ACADSB: variants seen among roughly 807,000 people sequenced by gnomAD.
The protein encoded by ACADSB is short/branched chain specific acyl-CoA dehydrogenase, mitochondrial.
ACADSB carries 40 observed loss-of-function variants against 54.1 expected under a neutral mutation model. The observed-to-expected ratio is 0.74, with a 90% CI of 0.57 to 0.96. The LOEUF (loss-of-function observed/expected upper bound fraction) is 0.96, where lower values mean the gene tolerates loss of function less well. Among genes scored for constraint, ACADSB ranks in the 40% least tolerant of loss-of-function variants. ACADSB has a pLI of 0.00. For synonymous variants in ACADSB, 182 were observed against 182.8 expected, an observed-to-expected ratio of 1.00 and a Z score of 0.03; for missense variants, 530 against 510.4, an observed-to-expected ratio of 1.04 and a Z score of -0.37.
At chr10:123,053,244 C>A in intron 10 of ACADSB, 84 bp downstream of exon 10, 1 of 1,173,210 alleles carries the variant, frequency 8.5e-7, no homozygotes. Context: ...TCGTTTTTTT[C>A]CTAGGTAAAA....
At chr10:123,048,089 A>G (rs1303169315) in intron 8 of ACADSB, among the ~76,000 whole-genome samples, 2 of 152,156 alleles carry the variant, frequency 1.3e-5, no homozygotes, top group African/African-American at 4.8e-5. Context: ...TGTCACCTAA[A>G]ATTCCAGAAT....
chr10:123,050,313 G>A (rs80195056), intron 8 of ACADSB, among the ~76,000 whole-genome samples: 13,860 of 152,194 alleles, frequency 0.091, 712 homozygotes, highest in Non-Finnish European at 0.11. Flanking sequence ...AGGAACTCTG[G>A]CTGTAATGTT....
In ACADSB at chr10:123,043,119, A is replaced by G; in HGVS notation, c.755A>G (p.Lys252Arg). 1 of 1,614,054 alleles carries G rather than the reference A, an allele frequency of 6.2e-7. No individual in the cohort carries two copies. Among genetic ancestry groups the G allele is most frequent in the Non-Finnish European group, 8.5e-7 (1 of 1,179,954 alleles). ...CTTCATATAGGGAAACCTGAAAACA[A>G]ATTGGGGCTCAGAGCTTCTTCCACC... ...PGLHIGKPEN[K>R]LGLRASSTCP... Residue 252 changes from lysine to arginine, a missense_variant, in exon 6 of 11, where the codon AAA (lysine) becomes AGA (arginine). Lys to Arg is a conservative substitution (Grantham distance 26, BLOSUM62 2). Coordinates refer to ENST00000358776, the MANE Select transcript of ACADSB (RefSeq NM_001609.4).
At chr10:123,015,355 TTTG>T (rs1293530642) in intron 1 of ACADSB, among the ~76,000 whole-genome samples, 13 of 152,336 alleles carry the variant, frequency 8.5e-5, no homozygotes, top group African/African-American at 1.9e-4. Context: ...CATTGTCGTT[TTTG>T]TTGTTGTTGT....
chr10:123,042,196 C>A (rs777160299), intron 5 of ACADSB, among the ~76,000 whole-genome samples: 1 of 151,910 alleles, frequency 6.6e-6, no homozygotes, highest in Admixed American at 6.6e-5. Context: ...AAACTCCTGA[C>A]GTCGGATGAT....
intron 1 of ACADSB, among the ~76,000 whole-genome samples, chr10:123,009,864 A>G (rs1849991414): frequency 6.6e-6 from 1 of 152,164 alleles, no homozygotes; most frequent in Admixed American, 6.5e-5. Flanking sequence ...ATTTGGATAC[A>G]CTTGTATTTG....
In ACADSB at chr10:123,009,039, C is replaced by T. The variant is rs1161302019; in HGVS notation, c.10C>T (p.Leu4=). 3.2e-6 allele frequency: 5 copies of T among 1,548,098 alleles called. No individual in the cohort carries two copies. In the South Asian group the frequency reaches 6.0e-5, roughly 18 times the overall value. MEG[L]AVRLLRGSRL... is the part of the protein sequence containing the mutation. ...GAGGCCTGCGGCGAGGATGGAGGGCCTGGCAGTGCGGTTGCTGCGCGGCAG... is the reference window on the plus strand; with the variant it reads ...GAGGCCTGCGGCGAGGATGGAGGGCTTGGCAGTGCGGTTGCTGCGCGGCAG... Residue 4 remains leucine (L), a synonymous_variant, in exon 1 of 11, where the codon CTG becomes TTG. Coordinates refer to ENST00000358776, the MANE Select transcript of ACADSB (RefSeq NM_001609.4).
chr10:123,035,445 A>G (rs1262300555), intron 2 of ACADSB, among the ~76,000 whole-genome samples: 1 of 152,232 alleles, frequency 6.6e-6, no homozygotes, highest in Non-Finnish European at 1.5e-5. Flanking sequence ...AATCCATAGC[A>G]GAACATCAGA....
chr10:123,049,368 A>G (rs1470127734), intron 8 of ACADSB, among the ~76,000 whole-genome samples: 2 of 152,184 alleles, frequency 1.3e-5, no homozygotes, highest in African/African-American at 4.8e-5. Flanking sequence ...TGTGTTCACA[A>G]TGTAGTTAGG....
At chr10:123,009,347 G>A (rs1849968271) in intron 1 of ACADSB, among the ~76,000 whole-genome samples, 1 of 152,158 alleles carries the variant, frequency 6.6e-6, no homozygotes, top group Non-Finnish European at 1.5e-5. Context: ...TCCGCAAGAT[G>A]TCCTTTGCAG....
chr10:123,050,202 A>C (rs77020305), intron 8 of ACADSB, among the ~76,000 whole-genome samples: 14,388 of 152,222 alleles, frequency 0.095, 765 homozygotes, highest in Non-Finnish European at 0.11. Context: ...TGTGTGATTG[A>C]CTTAATCAAG....
At chr10:123,046,811 GAGGGCCTTCCTCTATAGCCTTCA>G (rs1850565697) in intron 7 of ACADSB, among the ~76,000 whole-genome samples, 2 of 152,298 alleles carry the variant, frequency 1.3e-5, no homozygotes, top group South Asian at 4.1e-4. Flanking sequence ...AGAAGAACTG[GAGGGCCTTCCTCTATAGCCTTCA>G]AGGCCAGTTC....
intron 1 of ACADSB, among the ~76,000 whole-genome samples, chr10:123,028,809 T>C (rs1218958899): frequency 6.6e-6 from 1 of 152,056 alleles, no homozygotes; most frequent in Non-Finnish European, 1.5e-5. Context: ...GACAGGAGGA[T>C]CACTTGAGGC....
Position 123,015,928 on chromosome 10 carries a change from A to G in ACADSB, c.42+6857A>G, listed in dbSNP as rs991802437. Among the ~76,000 whole-genome samples the G allele has an allele frequency of 3.3e-5, 5 of 152,230 alleles. No individual in the cohort carries two copies. The East Asian group carries it at 9.6e-4, about 29-fold the overall frequency. ...AGGGTGATAGCACCGATGATCAGAA[A>G]GGAAGACATGTTAATAAAAGAAGAC... On this transcript the variant is annotated intron_variant, in intron 1 of 10. Coordinates refer to ENST00000358776, the MANE Select transcript of ACADSB (RefSeq NM_001609.4).
intron 1 of ACADSB, among the ~76,000 whole-genome samples, chr10:123,013,462 C>T (rs2133453405): frequency 6.6e-6 from 1 of 152,380 alleles, no homozygotes; most frequent in East Asian, 1.9e-4. Context: ...TGCACCAGTG[C>T]CGCAGGTGGA....
In ACADSB at chr10:123,040,626, C is replaced by G. The variant is rs769921991; in HGVS notation, c.464C>G (p.Thr155Arg). The G allele has an allele frequency of 2.2e-5, 35 of 1,613,928 alleles. No individual in the cohort carries two copies. The highest frequency in any genetic ancestry group is 2.8e-5 in the Non-Finnish European group (33 of 1,180,006). ...LINTLIRKHG[T>R]EEQKATYLPQ... is the part of the protein sequence containing the mutation. ...AACACACTGATTAGAAAACATGGAA[C>G]AGAAGAACAAAAGGCCACCTATTTG... The change falls in exon 4 of 11, where the codon ACA becomes AGA. Residue 155 changes from threonine (T) to arginine (R), a missense_variant. Thr to Arg is a moderately conservative substitution (Grantham distance 71, BLOSUM62 -1). Coordinates refer to ENST00000358776, the MANE Select transcript of ACADSB (RefSeq NM_001609.4).
chr10:123,027,239 A>T (rs1008144058), intron 1 of ACADSB, among the ~76,000 whole-genome samples: 3 of 152,242 alleles, frequency 2.0e-5, no homozygotes, highest in African/African-American at 7.2e-5. Flanking sequence ...CCCAGGGCAG[A>T]GTCTACTCTT....
chr10:123,016,065 T>C (rs1368511133), intron 1 of ACADSB, among the ~76,000 whole-genome samples: 1 of 147,622 alleles, frequency 6.8e-6, no homozygotes, highest in Non-Finnish European at 1.5e-5. Context: ...GAAAAAGTAA[T>C]TTAGGGTGAC....
intron 9 of ACADSB, among the ~76,000 whole-genome samples, chr10:123,051,912 C>G (rs569289880): frequency 6.6e-6 from 1 of 152,166 alleles, no homozygotes; most frequent in Non-Finnish European, 1.5e-5. Context: ...TCCCTCACCC[C>G]CCACATTGAG....
Sources: gnomAD v4.1 joint callset for allele counts (sites outside exome capture counted in the v4.1 genomes callset) on GRCh38, gnomAD v4.1.1 for gene constraint, MANE v1.5 for transcripts, NCBI Gene and HGNC (gene_info 2026-07-23, HGNC 2026-07-21) for gene names.